The following MCC variants were observed in gnomAD, a reference collection of about 807,000 sequenced individuals.
MCC encodes colorectal mutant cancer protein.
A neutral mutation model predicts 116.2 loss-of-function variants in MCC; 90 were observed. The observed-to-expected ratio is 0.77, with a 90% confidence interval of 0.65 to 0.92. The LOEUF (loss-of-function observed/expected upper bound fraction) is 0.92. MCC is among the 40% of genes least tolerant of loss of function. MCC has a pLI of 0.00. For synonymous variants in MCC, 578 were observed against 510.5 expected, an observed-to-expected ratio of 1.13 and a Z score of -1.78; for missense variants, 1,516 against 1,312.2, an observed-to-expected ratio of 1.16 and a Z score of -2.40.
At chr5:113,156,782 T>G (rs932815214) in intron 3 of MCC, among the ~76,000 whole-genome samples, 1 of 152,222 alleles carries the variant, frequency 6.6e-6, no homozygotes, top group Non-Finnish European at 1.5e-5. Flanking sequence ...TTCACATTCA[T>G]TTTACAGTGT....
chr5:113,090,210 G>A (rs1488197547), intron 8 of MCC, among the ~76,000 whole-genome samples: 1 of 152,046 alleles, frequency 6.6e-6, no homozygotes, highest in African/African-American at 2.4e-5. Context: ...AGGAAAGGAG[G>A]TGAGGACGGG....
intron 1 of MCC, among the ~76,000 whole-genome samples, chr5:113,456,487 C>T (rs888050067): frequency 3.9e-5 from 6 of 152,044 alleles, no homozygotes; most frequent in South Asian, 2.1e-4. Flanking sequence ...GACAGAGCCT[C>T]GCTCTGTTGC....
At chr5:113,429,214 T>C (rs915056591) in intron 1 of MCC, among the ~76,000 whole-genome samples, 19 of 152,112 alleles carry the variant, frequency 1.2e-4, no homozygotes, top group Admixed American at 6.5e-4. Context: ...TAATGTGAAA[T>C]GTGGGTCGTA....
Position 113,022,552 on chromosome 5 carries a change from C to T in MCC, c.*4750G>A, listed in dbSNP as rs980490223. ...GACATGTTTTATTATCTTTGCATTA[C>T]GTTCTAACAAAAGCAGATTATCAGG... On this transcript the variant is annotated 3_prime_UTR_variant, in exon 19 of 19. Transcript: ENST00000408903. 4 of 152,250 alleles carry T rather than the reference C, an allele frequency of 2.6e-5. No individual in the cohort carries two copies. The highest frequency in any genetic ancestry group is 4.8e-5 in the African/African-American group (2 of 41,444). The allele number at this position is 152,250 out of a possible 1,614,324, so 9.4% of individuals were successfully genotyped here.
rs1750266679 is a variant in MCC, at chr5:113,023,106, G to GCAGT, written c.*4192_*4195dup. The GCAGT allele has an allele frequency of 6.6e-6, 1 of 152,194 alleles. No individual in the cohort carries two copies. Among genetic ancestry groups the GCAGT allele is most frequent in the Admixed American group, 6.5e-5 (1 of 15,284 alleles). 9.4% of individuals were successfully genotyped at this position (152,194 alleles called of 1,614,324 possible). On this transcript the variant is annotated 3_prime_UTR_variant, in exon 19 of 19. Coordinates refer to ENST00000408903, the MANE Select transcript of MCC (RefSeq NM_001085377.2). ...AGAGATCAGTGATGCTGTGGTGACA[G>GCAGT]CAGTCAGCATTATTTCTTAGAGAAT...
chr5:113,113,902 C>T (rs1472932262), intron 6 of MCC, among the ~76,000 whole-genome samples: 1 of 151,926 alleles, frequency 6.6e-6, no homozygotes, highest in East Asian at 1.9e-4. Flanking sequence ...CAACCAAAGA[C>T]ATTAATAGGA....
At chr5:113,436,571 T>C (rs1435931934) in intron 1 of MCC, 1 of 152,236 alleles carries the variant, frequency 6.6e-6, no homozygotes, top group Non-Finnish European at 1.5e-5. Flanking sequence ...AGTATTTTAC[T>C]ATCAAACAGA....
chr5:113,168,284 T>C (rs1237971122), intron 3 of MCC, among the ~76,000 whole-genome samples: 2 of 152,314 alleles, frequency 1.3e-5, no homozygotes, highest in East Asian at 3.9e-4. Context: ...ATATGGAATA[T>C]TAAAATTTTG....
chr5:113,313,865 C>T (rs1019018420), intron 3 of MCC, among the ~76,000 whole-genome samples: 9 of 151,838 alleles, frequency 5.9e-5, no homozygotes, highest in East Asian at 1.9e-4. Flanking sequence ...CTGTTGCCCA[C>T]GCTGGAGTGC....
chr5:113,214,799 C>G (rs550531076), intron 3 of MCC, among the ~76,000 whole-genome samples: 2 of 152,216 alleles, frequency 1.3e-5, no homozygotes, highest in Admixed American at 1.3e-4. Flanking sequence ...TGGTGGCCTG[C>G]CCATTCTCCA....
At chr5:113,183,692 C>G (rs1261742073) in intron 3 of MCC, among the ~76,000 whole-genome samples, 3 of 152,010 alleles carry the variant, frequency 2.0e-5, no homozygotes, top group Non-Finnish European at 2.9e-5. Flanking sequence ...GTGTGCAGAC[C>G]CAAACAGCCC....
chr5:113,330,929 C>T (rs1470785492), intron 3 of MCC, among the ~76,000 whole-genome samples: 1 of 152,210 alleles, frequency 6.6e-6, no homozygotes, highest in Non-Finnish European at 1.5e-5. Context: ...TTGGTGCCAA[C>T]ACTTTCTTCA....
intron 13 of MCC, among the ~76,000 whole-genome samples, chr5:113,066,213 A>G (rs1402798741): frequency 1.3e-5 from 2 of 152,216 alleles, no homozygotes; most frequent in Non-Finnish European, 2.9e-5. Context: ...GAGTAGGTAC[A>G]TGCCTAATGA....
At chr5:113,178,058 G>A (rs918847913) in intron 3 of MCC, among the ~76,000 whole-genome samples, 7 of 152,222 alleles carry the variant, frequency 4.6e-5, no homozygotes, top group African/African-American at 1.7e-4. Context: ...GGTAATGTAA[G>A]AATGGACCAA....
chr5:113,327,692 G>A (rs1278295655), intron 3 of MCC, among the ~76,000 whole-genome samples: 1 of 149,782 alleles, frequency 6.7e-6, no homozygotes, highest in Non-Finnish European at 1.5e-5. Context: ...GCAATGAGGA[G>A]AAAACAGAGC....
chr5:113,134,158 T>C (rs779799773), intron 5 of MCC, among the ~76,000 whole-genome samples: 7 of 152,256 alleles, frequency 4.6e-5, no homozygotes, highest in Non-Finnish European at 7.3e-5. Context: ...CCAGACTCAA[T>C]GTCCTAGTGC....
At chr5:113,097,300 A>G (rs1756085247) in intron 8 of MCC, among the ~76,000 whole-genome samples, 1 of 152,364 alleles carries the variant, frequency 6.6e-6, no homozygotes, top group Non-Finnish European at 1.5e-5. Flanking sequence ...ATATTTTAGC[A>G]TATCAGTGTT....
rs116494842 is a variant in MCC, at chr5:113,161,700, A to G, written c.628-10278T>C. Reference sequence around the variant, plus strand: ...CACATACCCATACACACAGACATGCAATTACCAACATATACACATACAGAG... The same window carrying G: ...CACATACCCATACACACAGACATGCGATTACCAACATATACACATACAGAG... On this transcript the variant is annotated intron_variant, in intron 3 of 18. Transcript: ENST00000408903. 5.6e-3 allele frequency among the ~76,000 whole-genome samples: 852 copies of G among 152,140 alleles called. 13 individuals are homozygous for G. Among genetic ancestry groups the G allele is most frequent in the African/African-American group, 0.02 (814 of 41,446 alleles).
chr5:113,116,053 A>C (rs1757373712), intron 6 of MCC, among the ~76,000 whole-genome samples: 1 of 152,092 alleles, frequency 6.6e-6, no homozygotes, highest in Non-Finnish European at 1.5e-5. Flanking sequence ...CCCCAGGCTC[A>C]CTAACCTCCA....
Sources: gnomAD v4.1 joint callset for allele counts (sites outside exome capture counted in the v4.1 genomes callset) on GRCh38, gnomAD v4.1.1 for gene constraint, MANE v1.5 for transcripts, NCBI Gene and HGNC (gene_info 2026-07-23, HGNC 2026-07-21) for gene names.